Variants in SBF2 observed in about 807,000 individuals in gnomAD.
The protein encoded by SBF2 is myotubularin-related protein 13.
In SBF2, 112 loss-of-function variants were observed where a neutral mutation model predicts 225.2. The observed-to-expected ratio is 0.50, with a 90% CI of 0.43 to 0.58. The LOEUF (loss-of-function observed/expected upper bound fraction) is 0.58, where lower values mean the gene tolerates loss of function less well. Ranked by LOEUF, SBF2 falls within the 20% of genes least tolerant of loss-of-function variation. The probability of loss-of-function intolerance (pLI) is 0.00; values close to 1 mark genes in which losing one functional copy is unlikely to be tolerated. For missense variants in SBF2, 1,996 were observed against 2,206.2 expected (o/e 0.90, Z 1.91); for synonymous variants, 763 against 773.3 (o/e 0.99, Z 0.22).
intron 16 of SBF2, among the ~76,000 whole-genome samples, chr11:9,919,835 A>T (rs1035884394): frequency 6.6e-5 from 10 of 151,996 alleles, no homozygotes; most frequent in African/African-American, 2.4e-4. Context: ...AGGTTCAAGT[A>T]ATTCTCCTGC....
At chr11:10,223,954 T>C (rs1481129795) in intron 1 of SBF2, among the ~76,000 whole-genome samples, 1 of 152,124 alleles carries the variant, frequency 6.6e-6, no homozygotes, top group African/African-American at 2.4e-5. Flanking sequence ...TTTTATGCAG[T>C]TTTAATACTG....
At chr11:9,909,342 G>A (rs1463131393) in intron 16 of SBF2, among the ~76,000 whole-genome samples, 1 of 150,318 alleles carries the variant, frequency 6.7e-6, no homozygotes, top group Non-Finnish European at 1.5e-5. Flanking sequence ...TTTGACCTTA[G>A]AAGGAAGGTA....
intron 14 of SBF2, among the ~76,000 whole-genome samples, chr11:9,967,761 C>A (rs1444017225): frequency 1.3e-5 from 2 of 151,952 alleles, no homozygotes; most frequent in East Asian, 3.9e-4. Context: ...ACTAAAAATA[C>A]AAAATTAGCT....
intron 1 of SBF2, among the ~76,000 whole-genome samples, chr11:10,230,393 T>C (rs1958786051): frequency 1.3e-5 from 2 of 152,206 alleles, no homozygotes; most frequent in African/African-American, 4.8e-5. Flanking sequence ...TTGATGCAGT[T>C]TCTTCCTAGC....
At chr11:10,209,493 G>A (rs923492411) in intron 1 of SBF2, among the ~76,000 whole-genome samples, 5 of 151,980 alleles carry the variant, frequency 3.3e-5, no homozygotes, top group African/African-American at 7.2e-5. Flanking sequence ...TTATGAGGCT[G>A]GTTATAATAT....
intron 2 of SBF2, among the ~76,000 whole-genome samples, chr11:10,154,575 T>A (rs892331351): frequency 6.6e-6 from 1 of 152,188 alleles, no homozygotes; most frequent in African/African-American, 2.4e-5. Context: ...CAGCCATGTA[T>A]GATAGTCCCA....
chr11:9,963,561 T>A (rs997162101), intron 15 of SBF2, among the ~76,000 whole-genome samples: 5 of 152,226 alleles, frequency 3.3e-5, no homozygotes, highest in African/African-American at 1.2e-4. Context: ...CAGAAAAAAT[T>A]ACTATGAATA....
At chr11:9,966,881 T>C (rs1350933561) in intron 14 of SBF2, among the ~76,000 whole-genome samples, 1 of 152,142 alleles carries the variant, frequency 6.6e-6, no homozygotes, top group Non-Finnish European at 1.5e-5. Context: ...AGAATTACCA[T>C]ATGACCCAGC....
intron 35 of SBF2, among the ~76,000 whole-genome samples, chr11:9,788,405 G>A (rs1852511744): frequency 6.6e-6 from 1 of 152,066 alleles, no homozygotes; most frequent in African/African-American, 2.4e-5. Flanking sequence ...GCAGAAGATG[G>A]TTGACAGCAC....
intron 17 of SBF2, among the ~76,000 whole-genome samples, chr11:9,876,486 G>T (rs183090303): frequency 1.3e-5 from 2 of 152,122 alleles, no homozygotes; most frequent in African/African-American, 4.8e-5. Context: ...AACAGGATTA[G>T]TATCCTGAGA....
chr11:10,247,922 T>G (rs889966953), intron 1 of SBF2, among the ~76,000 whole-genome samples: 2 of 152,190 alleles, frequency 1.3e-5, no homozygotes, highest in Non-Finnish European at 2.9e-5. Context: ...ATGAACAGTC[T>G]TGAATTGCTG....
At chr11:9,992,714 A>G (rs191385918) in intron 11 of SBF2, among the ~76,000 whole-genome samples, 171 bp from the exon 12 acceptor site, 2 of 152,332 alleles carry the variant, frequency 1.3e-5, no homozygotes, top group East Asian at 3.9e-4. Flanking sequence ...TACTACATAT[A>G]TTGAAAAGAA....
intron 2 of SBF2, among the ~76,000 whole-genome samples, chr11:10,115,315 A>T (rs1953081396): frequency 6.6e-6 from 1 of 152,188 alleles, no homozygotes; most frequent in Admixed American, 6.5e-5. Flanking sequence ...TTTTAGAGTA[A>T]TTGTCATAAA....
intron 16 of SBF2, among the ~76,000 whole-genome samples, chr11:9,900,029 C>CT (rs72178587): frequency 1.7e-3 from 231 of 133,296 alleles, no homozygotes; most frequent in South Asian, 9.6e-3. Context: ...TCCTTTTCTT[C>CT]TTTTTTTTTT....
rs181385423 is a variant in SBF2 at position 9,836,216 on chromosome 11, T to C, written c.3455+3282A>G. Among the ~76,000 whole-genome samples, 115 of 152,286 alleles carry C rather than the reference T, an allele frequency of 7.6e-4. No homozygotes were observed. In the East Asian group the frequency reaches 0.018, roughly 24 times the overall value. The stretch of plus-strand genomic sequence containing the variant: ...TCAAGGTCATGGAGACATTCTCTTA[T>C]CTTCTAGAAGCTTTATTGTTTTAAG... On this transcript the variant is annotated intron_variant, in intron 26 of 39. Transcript: ENST00000256190.
chr11:10,264,668 A>C (rs1426607336), intron 1 of SBF2, among the ~76,000 whole-genome samples: 1 of 152,072 alleles, frequency 6.6e-6, no homozygotes, highest in Non-Finnish European at 1.5e-5. Flanking sequence ...ACATGCTACG[A>C]TGGTTTGCTG....
At chr11:10,290,234 T>C (rs1964078101) in intron 1 of SBF2, among the ~76,000 whole-genome samples, 1 of 152,006 alleles carries the variant, frequency 6.6e-6, no homozygotes, top group Admixed American at 6.6e-5. Context: ...GAGCTTGTCA[T>C]ATTGTCATAG....
At chr11:9,977,641 C>T (rs1946762679) in intron 13 of SBF2, among the ~76,000 whole-genome samples, 2 of 152,104 alleles carry the variant, frequency 1.3e-5, no homozygotes, top group Non-Finnish European at 2.9e-5. Context: ...GAGGTGTTGC[C>T]GATAATCTCT....
At chr11:10,267,699 A>T (rs1962127764) in intron 1 of SBF2, among the ~76,000 whole-genome samples, 1 of 152,138 alleles carries the variant, frequency 6.6e-6, no homozygotes, top group Non-Finnish European at 1.5e-5. Flanking sequence ...AGATGGCTAT[A>T]CAAACCCGAA....
Sources: allele counts gnomAD v4.1 joint callset (sites outside exome capture counted in the v4.1 genomes callset), GRCh38; gene constraint gnomAD v4.1.1; transcripts MANE v1.5; gene names NCBI Gene and HGNC (gene_info 2026-07-23, HGNC 2026-07-21).